The following THSD7A variants were observed in gnomAD, a reference collection of about 807,000 sequenced individuals.
The protein encoded by THSD7A is thrombospondin type-1 domain-containing protein 7A.
Under a neutral mutation model 231.3 loss-of-function variants are expected in THSD7A, and 96 were observed. The ratio of observed to expected loss-of-function variants is 0.41; its 90% CI spans 0.35 to 0.49. THSD7A has a LOEUF of 0.49. Among genes scored for constraint, THSD7A ranks in the 20% least tolerant of loss-of-function variants. The pLI, the probability that THSD7A is intolerant of heterozygous loss-of-function variation, is 0.05. For missense variants in THSD7A, 2,290 were observed against 2,070.2 expected, an observed-to-expected ratio of 1.11 and a Z score of -2.06; for synonymous variants, 940 against 743.3, an observed-to-expected ratio of 1.26 and a Z score of -4.30.
chr7:11,469,556 T>C (rs906911307), intron 9 of THSD7A, among the ~76,000 whole-genome samples: 3 of 152,168 alleles, frequency 2.0e-5, no homozygotes, highest in African/African-American at 7.2e-5. Flanking sequence ...AAGCACTGTA[T>C]ATCATTTTGA....
chr7:11,605,152 C>A (rs1373372045), intron 2 of THSD7A, among the ~76,000 whole-genome samples: 3 of 152,024 alleles, frequency 2.0e-5, no homozygotes, highest in African/African-American at 7.2e-5. Context: ...TTTAAACTCT[C>A]TCCTTTATCC....
At chr7:11,809,816 A>G (rs539320601) in intron 1 of THSD7A, among the ~76,000 whole-genome samples, 1 of 152,288 alleles carries the variant, frequency 6.6e-6, no homozygotes. Context: ...TGAGTCTTAT[A>G]TGTACCAAAG....
chr7:11,715,735 C>T (rs1781114395), intron 1 of THSD7A, among the ~76,000 whole-genome samples: 1 of 151,458 alleles, frequency 6.6e-6, no homozygotes. Flanking sequence ...CCCAGACCCC[C>T]ATCCTTATTT....
At chr7:11,710,028 A>C (rs924944522) in intron 1 of THSD7A, among the ~76,000 whole-genome samples, 1 of 150,830 alleles carries the variant, frequency 6.6e-6, no homozygotes, top group African/African-American at 2.4e-5. Context: ...AATCTTGTGA[A>C]TTTTTAATAC....
At chr7:11,560,001 T>C (rs1417280450) in intron 4 of THSD7A, among the ~76,000 whole-genome samples, 1 of 152,160 alleles carries the variant, frequency 6.6e-6, no homozygotes, top group Non-Finnish European at 1.5e-5. Context: ...TAGTATTGTT[T>C]ATAATAGCAA....
At chr7:11,493,370 T>C (rs1368669703) in intron 6 of THSD7A, among the ~76,000 whole-genome samples, 1 of 152,082 alleles carries the variant, frequency 6.6e-6, no homozygotes, top group Non-Finnish European at 1.5e-5. Flanking sequence ...TTGAAAAAGA[T>C]AGAAGAATGA....
At chr7:11,760,688 T>G (rs1004751544) in intron 1 of THSD7A, among the ~76,000 whole-genome samples, 4 of 152,030 alleles carry the variant, frequency 2.6e-5, no homozygotes, top group African/African-American at 9.7e-5. Flanking sequence ...ACAGCTTTCA[T>G]GTTGTACCAG....
intron 1 of THSD7A, among the ~76,000 whole-genome samples, chr7:11,792,217 G>A (rs1372660825): frequency 1.3e-5 from 2 of 151,858 alleles, no homozygotes; most frequent in African/African-American, 4.8e-5. Flanking sequence ...TTTCTGGCTT[G>A]ACTATTTTGA....
intron 1 of THSD7A, among the ~76,000 whole-genome samples, chr7:11,671,896 T>A (rs1783410240): frequency 6.6e-6 from 1 of 152,158 alleles, no homozygotes. Context: ...TAATAAATAA[T>A]GCATTTATAT....
intron 2 of THSD7A, among the ~76,000 whole-genome samples, chr7:11,624,978 T>C (rs1781432982): frequency 6.6e-6 from 1 of 152,110 alleles, no homozygotes; most frequent in African/African-American, 2.4e-5. Flanking sequence ...TTGAACACCA[T>C]TTTACAAACC....
At chr7:11,491,855 C>G (rs1295352055) in intron 6 of THSD7A, among the ~76,000 whole-genome samples, 1 of 152,052 alleles carries the variant, frequency 6.6e-6, no homozygotes, top group Admixed American at 6.6e-5. Flanking sequence ...AAGTTAGTCC[C>G]TCGTGGAGCC....
chr7:11,804,371 A>G (rs1312866002), intron 1 of THSD7A, among the ~76,000 whole-genome samples: 1 of 152,220 alleles, frequency 6.6e-6, no homozygotes, highest in Non-Finnish European at 1.5e-5. Flanking sequence ...CCTATTTTCC[A>G]GAAAACACAT....
chr7:11,451,594 A>G (rs1785145139), intron 11 of THSD7A, among the ~76,000 whole-genome samples: 2 of 152,032 alleles, frequency 1.3e-5, no homozygotes, highest in Admixed American at 1.3e-4. Flanking sequence ...AAGATTAGTA[A>G]GTTGAATAAG....
At chr7:11,568,643 A>C (rs1455566504) in intron 4 of THSD7A, among the ~76,000 whole-genome samples, 164 of 141,900 alleles carry the variant, frequency 1.2e-3, no homozygotes, top group African/African-American at 4.4e-3. Context: ...AAAAAAAAAA[A>C]AAAAAAAAAA....
At chr7:11,594,406 T>G (rs1022397608) in intron 2 of THSD7A, among the ~76,000 whole-genome samples, 2 of 152,190 alleles carry the variant, frequency 1.3e-5, no homozygotes, top group African/African-American at 4.8e-5. Flanking sequence ...TCATTGGTTT[T>G]GGGATTTCTG....
At chr7:11,593,169 G>T in intron 3 of THSD7A, 85 bp downstream of exon 3, 1 of 1,499,226 alleles carries the variant, frequency 6.7e-7, no homozygotes, top group Non-Finnish European at 8.9e-7. Flanking sequence ...AAAAATTACT[G>T]TTGCTTAGAG....
chr7:11,513,773 T>C (rs1787915221), intron 6 of THSD7A, among the ~76,000 whole-genome samples: 1 of 152,220 alleles, frequency 6.6e-6, no homozygotes, highest in African/African-American at 2.4e-5. Flanking sequence ...CACTTTAAAA[T>C]GGTTACTTTT....
chr7:11,747,756 T>C (rs762669075), intron 1 of THSD7A, among the ~76,000 whole-genome samples: 4 of 151,918 alleles, frequency 2.6e-5, no homozygotes, highest in African/African-American at 4.8e-5. Context: ...GAGAGTTTAA[T>C]TTCTTTGGAA....
At chr7:11,574,651 T>C (rs933768252) in intron 4 of THSD7A, among the ~76,000 whole-genome samples, 1 of 151,262 alleles carries the variant, frequency 6.6e-6, no homozygotes, top group South Asian at 2.1e-4. Flanking sequence ...TTAGCCAGGA[T>C]GGTCTCGATC....
Sources: allele counts gnomAD v4.1 joint callset (sites outside exome capture counted in the v4.1 genomes callset), GRCh38; gene constraint gnomAD v4.1.1; transcripts MANE v1.5; gene names NCBI Gene and HGNC (gene_info 2026-07-23, HGNC 2026-07-21).